VWF: variants seen among roughly 807,000 people sequenced by gnomAD.
VWF encodes the protein von Willebrand factor.
In VWF, 176 loss-of-function variants were observed where a neutral mutation model predicts 308.6. The ratio of observed to expected loss-of-function variants is 0.57; its 90% CI spans 0.50 to 0.65. VWF has a LOEUF of 0.65. VWF is among the 30% of genes least tolerant of loss of function. The pLI, the probability that VWF is intolerant of heterozygous loss-of-function variation, is 0.00. For synonymous variants in VWF, 1,385 were observed against 1,443.4 expected (o/e 0.96, Z 0.92); for missense variants, 3,146 against 3,648.2 (o/e 0.86, Z 3.55).
intron 38 of VWF, among the ~76,000 whole-genome samples, chr12:5,985,945 G>A (rs960128030): frequency 1.3e-5 from 2 of 152,224 alleles, no homozygotes; most frequent in Non-Finnish European, 2.9e-5. Context: ...AAAGAAAAAT[G>A]AGAGTTCTTG....
At chr12:5,981,553 T>C (rs1943605398) in intron 42 of VWF, among the ~76,000 whole-genome samples, 1 of 152,146 alleles carries the variant, frequency 6.6e-6, no homozygotes, top group African/African-American at 2.4e-5. Flanking sequence ...AAATTTCCAC[T>C]CAGGCTGAGC....
Position 6,052,599 on chromosome 12 carries a change from G to C in VWF, c.2130C>G (p.Tyr710Ter). 6.2e-7 allele frequency: 1 copy of C among 1,614,264 alleles called. No homozygotes were observed. Among genetic ancestry groups the C allele is most frequent in the Non-Finnish European group, 8.5e-7 (1 of 1,180,042 alleles). ...DCVPKAQCPC[Y>*]YDGEIFQPED... ...CTGGCTGGAAGATCTCACCGTCATAGTAACAGGGGCACTGGGCCTTGGGCA... is the reference window on the plus strand; with the variant it reads ...CTGGCTGGAAGATCTCACCGTCATACTAACAGGGGCACTGGGCCTTGGGCA... Residue 710 changes from tyrosine to a stop codon, truncating the protein, a stop_gained, in exon 16 of 52, where the codon TAC becomes TAG. Transcript: ENST00000261405. LOFTEE classifies it high-confidence loss of function.
intron 6 of VWF, among the ~76,000 whole-genome samples, chr12:6,085,077 C>G (rs1860364): frequency 0.77 from 117,250 of 152,082 alleles, 45,945 homozygotes; most frequent in African/African-American, 0.92. Flanking sequence ...TGGCCATGGA[C>G]CTCTCTAAGG....
intron 44 of VWF, 37 bp from the exon 45 acceptor site, chr12:5,969,428 A>G: frequency 6.2e-7 from 1 of 1,613,338 alleles, no homozygotes; most frequent in Non-Finnish European, 8.5e-7. Context: ...AAGCTGGGGC[A>G]GGGCTGGAGC....
chr12:6,011,321 G>T (rs1211976892), intron 34 of VWF, among the ~76,000 whole-genome samples: 1 of 152,214 alleles, frequency 6.6e-6, no homozygotes, highest in Non-Finnish European at 1.5e-5. Context: ...AGGTTGACTT[G>T]CCAACAGCCA....
intron 5 of VWF, among the ~76,000 whole-genome samples, chr12:6,108,810 T>C (rs537573628): frequency 1.3e-4 from 19 of 151,790 alleles, no homozygotes; most frequent in South Asian, 4.1e-4. Flanking sequence ...TGAAACCCTG[T>C]CTCTACTAAA....
chr12:6,120,997 G>C (rs1945424828), intron 3 of VWF, among the ~76,000 whole-genome samples, 177 bp downstream of exon 3: 1 of 152,194 alleles, frequency 6.6e-6, no homozygotes, highest in African/African-American at 2.4e-5. Context: ...CCCGTGGGGA[G>C]AGACCCGGGG....
intron 16 of VWF, among the ~76,000 whole-genome samples, chr12:6,051,377 C>T (rs907457902): frequency 4.0e-5 from 6 of 150,580 alleles, no homozygotes; most frequent in African/African-American, 1.2e-4. Context: ...CTGCAACCTC[C>T]GCCTCCTGGG....
chr12:5,973,317 A>T (rs1189223932), intron 43 of VWF, among the ~76,000 whole-genome samples: 1 of 152,148 alleles, frequency 6.6e-6, no homozygotes, highest in Non-Finnish European at 1.5e-5. Flanking sequence ...CCCTGTTTTC[A>T]TTGGTTTCCC....
At chr12:6,113,849 A>G (rs1443816164) in intron 3 of VWF, among the ~76,000 whole-genome samples, 1 of 152,170 alleles carries the variant, frequency 6.6e-6, no homozygotes, top group East Asian at 1.9e-4. Flanking sequence ...TGGAGCTCTG[A>G]ACACTACACA....
At chr12:6,095,897 C>T in intron 5 of VWF, 2 of 380,946 alleles carry the variant, frequency 5.3e-6, no homozygotes, top group Non-Finnish European at 1.0e-5. Context: ...GCCCAGAACA[C>T]CTGGGCTCAA....
rs1591864178 is a variant in VWF, at chr12:6,020,771, G to T, written c.3675-1028C>A. Among the ~76,000 whole-genome samples, 1 of 152,210 alleles carries T rather than the reference G, an allele frequency of 6.6e-6. No homozygotes were observed. Among genetic ancestry groups the T allele is most frequent in the Non-Finnish European group, 1.5e-5 (1 of 68,040 alleles). ...CTGAGCCTGGGAAGTGTCCCCCTGC[G>T]GCTTGATACCAGGTGATGCCACCAG... is the stretch of plus-strand genomic sequence containing the variant. On this transcript the variant is annotated intron_variant, in intron 27 of 51. Coordinates refer to ENST00000261405, the MANE Select transcript of VWF (RefSeq NM_000552.5). This position sits in a 1 kb window ranked among gnomAD's most constrained non-coding sequence, Gnocchi z 4.3.
At chr12:6,071,261 G>A (rs192139615) in intron 10 of VWF, 36 bp downstream of exon 10, 2 of 1,613,152 alleles carry the variant, frequency 1.2e-6, no homozygotes, top group Non-Finnish European at 1.7e-6. Flanking sequence ...CCCCGATTCA[G>A]GGAAGGAGGA....
chr12:5,969,724 G>A (rs1022512605), intron 44 of VWF, among the ~76,000 whole-genome samples: 2 of 152,216 alleles, frequency 1.3e-5, no homozygotes, highest in African/African-American at 4.8e-5. Flanking sequence ...TCAGTGGGAA[G>A]GTGCAGCCGG....
chr12:6,057,816 C>T (rs1197418918), intron 14 of VWF, 33 bp downstream of exon 14: 1 of 1,578,736 alleles, frequency 6.3e-7, no homozygotes, highest in South Asian at 1.2e-5. Context: ...CGAGATTCTG[C>T]GAGGTCCCTG....
At chr12:6,106,686 C>T (rs1945247907) in intron 5 of VWF, among the ~76,000 whole-genome samples, 1 of 151,912 alleles carries the variant, frequency 6.6e-6, no homozygotes, top group Non-Finnish European at 1.5e-5. Flanking sequence ...AGCAGCCTGG[C>T]CAACATGGTG....
chr12:6,082,191 T>A (rs1046471071), intron 6 of VWF, among the ~76,000 whole-genome samples: 1 of 152,176 alleles, frequency 6.6e-6, no homozygotes, highest in African/African-American at 2.4e-5. Flanking sequence ...GGTCTCGAAC[T>A]CCTGACCTCA....
chr12:5,998,227 A>C (rs1003163242), intron 34 of VWF, among the ~76,000 whole-genome samples: 6 of 151,852 alleles, frequency 4.0e-5, no homozygotes, highest in African/African-American at 9.7e-5. Context: ...GGCCGGGCAC[A>C]GTGGCTCATA....
chr12:5,964,498 T>C (rs1370080943), intron 47 of VWF, among the ~76,000 whole-genome samples: 1 of 152,334 alleles, frequency 6.6e-6, no homozygotes, highest in Non-Finnish European at 1.5e-5. Context: ...TCTGTTGTCA[T>C]TCTTTTTCTC....
Sources: allele counts gnomAD v4.1 joint callset (sites outside exome capture counted in the v4.1 genomes callset), GRCh38; gene constraint gnomAD v4.1.1; non-coding constraint Gnocchi (gnomAD v3.1); transcripts MANE v1.5; gene names NCBI Gene and HGNC (gene_info 2026-07-23, HGNC 2026-07-21).